GOLGA8S: variants seen among roughly 807,000 people sequenced by gnomAD.
GOLGA8S encodes golgin A8 family member S, also known as golgin subfamily A member 8S.
GOLGA8S carries 23 observed loss-of-function variants against 58.9 expected under a neutral mutation model. The observed-to-expected ratio is 0.39, with a 90% CI of 0.28 to 0.55. GOLGA8S has a LOEUF of 0.55. GOLGA8S is among the 20% of genes least tolerant of loss of function. The pLI, the probability that GOLGA8S is intolerant of heterozygous loss-of-function variation, is 0.63. For missense variants in GOLGA8S, 266 were observed against 514.2 expected (o/e 0.52, Z 4.67); for synonymous variants, 84 against 195.7 (o/e 0.43, Z 4.76).
rs749527418 is a variant in GOLGA8S, at chr15:23,363,764, G to A, written c.1342G>A (p.Ala448Thr). ...CCCACAGGACCTGGAGAGCAGGGAG[G>A]CCATGGTGAGCCTGACTCCCCCTGC... is the stretch of plus-strand genomic sequence containing the variant. The change falls in exon 15 of 19, where the codon GCC becomes ACC. Residue 448 changes from alanine (A) to threonine (T), a missense_variant. Physicochemically the swap from Ala to Thr is moderately conservative, Grantham distance 58 (BLOSUM62 0). Transcript: ENST00000562295. 6.9e-6 allele frequency: 4 copies of A among 579,962 alleles called. 1 individual carries two copies. The highest frequency in any genetic ancestry group is 5.5e-6 in the Non-Finnish European group (2 of 360,474). 35.9% of individuals were successfully genotyped at this position (579,962 alleles called of 1,614,324 possible).
At chr15:23,365,981 T>C (rs1236773111), downstream of GOLGA8S, 13 of 151,296 alleles carry the variant, frequency 8.6e-5, no homozygotes, top group African/African-American at 3.1e-4. Context: ...AAGGTTCCCA[T>C]CGTTGACTGT....
chr15:23,361,415 C>A, exon 12 of GOLGA8S: 1 of 895,732 alleles, frequency 1.1e-6, no homozygotes, highest in Non-Finnish European at 1.9e-6. Flanking sequence ...GGAGGAGAGG[C>A]TTCAGCAGCT....
At chr15:23,357,903 G>C (rs549416275) in intron 4 of GOLGA8S, among the ~76,000 whole-genome samples, 1 of 150,042 alleles carries the variant, frequency 6.7e-6, no homozygotes, top group Non-Finnish European at 1.5e-5. Context: ...CTGGTTGTCA[G>C]GGTCCCTGTA....
At chr15:23,357,901 C>G (rs1401852312) in intron 4 of GOLGA8S, among the ~76,000 whole-genome samples, 1 of 150,042 alleles carries the variant, frequency 6.7e-6, no homozygotes, top group Admixed American at 6.6e-5. Flanking sequence ...GACTGGTTGT[C>G]AGGGTCCCTG....
At position 23,364,483 on chromosome 15, in the gene GOLGA8S, G is replaced by A. The variant is rs2344792; in HGVS notation, c.1448+40G>A. 1.3e-4 allele frequency: 210 copies of A among 1,604,904 alleles called. 2 individuals are homozygous for A. The highest frequency in any genetic ancestry group is 7.1e-4 in the African/African-American group (53 of 74,880). ...AGGGCACAGCAGGGGGAGCTACAGGGCCGTCGGAGGGGCCCCAGCGTCTGA... is the reference window on the plus strand; with the variant it reads ...AGGGCACAGCAGGGGGAGCTACAGGACCGTCGGAGGGGCCCCAGCGTCTGA... On this transcript the variant is annotated intron_variant, in intron 16 of 18. Coordinates refer to ENST00000562295, the Ensembl canonical transcript of GOLGA8S.
rs1231197675 is a variant in GOLGA8S at position 23,364,123 on chromosome 15, C to T, written c.1348-220C>T. 2.9e-5 allele frequency among the ~76,000 whole-genome samples: 4 copies of T among 137,130 alleles called. 1 individual carries two copies. Among genetic ancestry groups the T allele is most frequent in the Admixed American group, 7.8e-5 (1 of 12,750 alleles). The allele number at this position is 137,130 out of a possible 152,430, so 90.0% of individuals were successfully genotyped here. A position where few individuals can be genotyped will look rare whatever the true frequency, so the allele number is the denominator to read the frequency against. ...AGAGGGTGGCTGCCAGCGCCTGGCT[C>T]ACCTGGTGGCCTCGGCCCAGAAGGA... On this transcript the variant is annotated intron_variant, in intron 15 of 18. Coordinates refer to ENST00000562295, the Ensembl canonical transcript of GOLGA8S.
intron 13 of GOLGA8S, among the ~76,000 whole-genome samples, chr15:23,362,576 T>G (rs1281186527): frequency 7.3e-6 from 1 of 136,378 alleles, no homozygotes; most frequent in Non-Finnish European, 1.6e-5. Flanking sequence ...TGTAGCACAT[T>G]TAGCAGATGG....
chr15:23,366,095 A>G (rs570553358), downstream of GOLGA8S: 7 of 151,580 alleles, frequency 4.6e-5, no homozygotes, highest in South Asian at 1.5e-3. Context: ...ATGTCCCAGT[A>G]CACAAAAGGG....
chr15:23,367,699 C>T (rs1215329056), downstream of GOLGA8S, among the ~76,000 whole-genome samples: 1 of 151,792 alleles, frequency 6.6e-6, no homozygotes, highest in African/African-American at 2.4e-5. Context: ...AGTATTTGTG[C>T]TCTTCCTCAT....
chr15:23,358,182 C>G (rs537343008), intron 4 of GOLGA8S, among the ~76,000 whole-genome samples: 1 of 152,400 alleles, frequency 6.6e-6, no homozygotes, highest in Admixed American at 6.5e-5. Context: ...AAATCACAAG[C>G]TGGCAGAAGG....
downstream of GOLGA8S, among the ~76,000 whole-genome samples, chr15:23,367,754 A>G (rs1196196529): frequency 6.6e-6 from 1 of 151,870 alleles, no homozygotes; most frequent in East Asian, 1.9e-4. Flanking sequence ...CAACATTGGA[A>G]TGTTAGAGTT....
intron 14 of GOLGA8S, chr15:23,363,476 C>T: frequency 2.0e-6 from 1 of 506,440 alleles, no homozygotes; most frequent in South Asian, 2.2e-5. Flanking sequence ...AGAACTCCCG[C>T]ACCGACCAGT....
At chr15:23,360,698 C>T (rs1567267968) in intron 10 of GOLGA8S, 30 bp from the exon 11 acceptor site, 2 of 1,103,092 alleles carry the variant, frequency 1.8e-6, no homozygotes, top group Non-Finnish European at 2.8e-6. Context: ...CCCCTCTCTC[C>T]AGGGCCCTTT....
Position 23,359,293 on chromosome 15 carries a change from G to T in GOLGA8S, c.591+84G>T, listed in dbSNP as rs1474080133. 89 of 670,664 alleles carry T rather than the reference G, an allele frequency of 1.3e-4. 7 individuals are homozygous for T. The highest frequency in any genetic ancestry group is 1.1e-3 in the Admixed American group (51 of 48,410). The allele number at this position is 670,664 out of a possible 1,614,324, so 41.5% of individuals were successfully genotyped here. A position where few individuals can be genotyped will look rare whatever the true frequency, so the allele number is the denominator to read the frequency against. ...GCCTAAAGGTCCCTTCTGCAGGATG[G>T]AGTGTCCTGCCCAGAAGGCAGCATG... On this transcript the variant is annotated intron_variant, in intron 8 of 18. Transcript: ENST00000562295.
chr15:23,368,079 T>C (rs1393072856), downstream of GOLGA8S, among the ~76,000 whole-genome samples: 3 of 151,858 alleles, frequency 2.0e-5, no homozygotes, highest in Admixed American at 6.6e-5. Flanking sequence ...AGTTAAAACA[T>C]TTTAAAATAT....
chr15:23,364,179 A>C (rs2069863493), intron 15 of GOLGA8S, among the ~76,000 whole-genome samples, 164 bp from the exon 16 acceptor site: 1 of 143,676 alleles, frequency 7.0e-6, no homozygotes, highest in Non-Finnish European at 1.5e-5. Context: ...CTGGAGCCCC[A>C]GGGCCTGGGG....
exon 19 of GOLGA8S, chr15:23,365,084 T>C (rs773822149): frequency 2.5e-6 from 4 of 1,581,798 alleles, no homozygotes; most frequent in East Asian, 4.5e-5. Context: ...GGGCAACAAC[T>C]GCTGTGTGCC....
downstream of GOLGA8S, chr15:23,365,398 A>T: frequency 1.7e-6 from 1 of 591,092 alleles, no homozygotes; most frequent in Non-Finnish European, 2.9e-6. Flanking sequence ...ATGCATATCG[A>T]GTTTGCCCTT....
chr15:23,364,822 C>A, exon 18 of GOLGA8S: 1 of 1,512,798 alleles, frequency 6.6e-7, no homozygotes, highest in Non-Finnish European at 8.8e-7. Flanking sequence ...CTGATGAGCC[C>A]GGTCCAGGAG....
Sources: allele counts gnomAD v4.1 joint callset (sites outside exome capture counted in the v4.1 genomes callset), GRCh38; gene constraint gnomAD v4.1.1; transcripts MANE v1.5; gene names NCBI Gene and HGNC (gene_info 2026-07-23, HGNC 2026-07-21).